Variants in TMEM52B observed in about 807,000 individuals in gnomAD.
TMEM52B encodes the protein chromosome 12 open reading frame 59.
Under a neutral mutation model 16.1 loss-of-function variants are expected in TMEM52B, and 11 were observed. The observed-to-expected ratio is 0.68, with a 90% CI of 0.43 to 1.13. TMEM52B has a LOEUF of 1.13. Among genes scored for constraint, TMEM52B ranks in the 50% most tolerant of loss-of-function variants. The pLI is 0.00. For synonymous variants in TMEM52B, 101 were observed against 93.8 expected (o/e 1.08, Z -0.45); for missense variants, 243 against 230.4 (o/e 1.05, Z -0.35).
At chr12:10,188,421 T>A (rs1005820501) in intron 4 of TMEM52B, among the ~76,000 whole-genome samples, 1 of 148,374 alleles carries the variant, frequency 6.7e-6, no homozygotes, top group South Asian at 2.1e-4. Context: ...ATGGCGCCAC[T>A]TCACTCCAGC....
rs1196687944 is a variant in TMEM52B at position 10,179,279 on chromosome 12, A to C, written c.-296A>C. The stretch of plus-strand genomic sequence containing the variant: ...GAGAAAGAAACTTCAAGATGTAGAA[A>C]GAATTAATAGTGTAACGGAAAGAAA... On this transcript the variant is annotated 5_prime_UTR_variant, in exon 1 of 5. Coordinates refer to ENST00000543484, the MANE Select transcript of TMEM52B (RefSeq NM_001384896.1). 5 of 362,242 alleles carry C rather than the reference A, an allele frequency of 1.4e-5. No individual in the cohort carries two copies. Among genetic ancestry groups the C allele is most frequent in the Admixed American group, 4.0e-5 (1 of 25,166 alleles). The allele number at this position is 362,242 out of a possible 1,614,324, so 22.4% of individuals were successfully genotyped here. A position where few individuals can be genotyped will look rare whatever the true frequency, so the allele number is the denominator to read the frequency against.
chr12:10,181,046 A>G (rs1948816649), intron 1 of TMEM52B, among the ~76,000 whole-genome samples: 1 of 151,980 alleles, frequency 6.6e-6, no homozygotes, highest in Admixed American at 6.6e-5. Context: ...ACCTCAAGTG[A>G]TCCACCCACC....
intron 4 of TMEM52B, among the ~76,000 whole-genome samples, chr12:10,187,738 T>C (rs980376503): frequency 3.3e-5 from 5 of 152,104 alleles, no homozygotes; most frequent in Admixed American, 6.6e-5. Flanking sequence ...GACTATGCTC[T>C]TTCCTAAAAT....
chr12:10,174,289 C>CT (rs772893806), upstream of TMEM52B, among the ~76,000 whole-genome samples: 8 of 152,170 alleles, frequency 5.3e-5, no homozygotes, highest in Admixed American at 1.3e-4. Flanking sequence ...TCTTGAACTC[C>CT]TGTCCTCAAG....
At chr12:10,179,702 A>G in intron 1 of TMEM52B, 74 bp downstream of exon 1, 1 of 1,572,248 alleles carries the variant, frequency 6.4e-7, no homozygotes, top group Non-Finnish European at 8.8e-7. Flanking sequence ...GTCTGAAAGG[A>G]AATGAACTGC....
intron 1 of TMEM52B, among the ~76,000 whole-genome samples, chr12:10,173,550 G>A (rs573229186): frequency 4.8e-5 from 7 of 146,796 alleles, no homozygotes; most frequent in South Asian, 2.1e-4. Context: ...GAAGCTGAGG[G>A]GGGGGGTGGA....
At chr12:10,180,667 C>T (rs560475642) in intron 1 of TMEM52B, among the ~76,000 whole-genome samples, 7 of 152,304 alleles carry the variant, frequency 4.6e-5, no homozygotes, top group East Asian at 1.9e-4. Context: ...CTTCACTACC[C>T]GCCATAAACT....
At chr12:10,186,169 A>C (rs923729060) in intron 3 of TMEM52B, among the ~76,000 whole-genome samples, 2 of 152,196 alleles carry the variant, frequency 1.3e-5, no homozygotes, top group Non-Finnish European at 1.5e-5. Flanking sequence ...AAGAAAAAAG[A>C]AGCAGCCCCC....
At chr12:10,186,681 TATTAAAGATTCCAGGACTC>T in intron 4 of TMEM52B, 92 bp downstream of exon 4, 1 of 1,271,826 alleles carries the variant, frequency 7.9e-7, no homozygotes, top group South Asian at 2.2e-5. Context: ...GATCGAGTAA[TATTAAAGATTCCAGGACTC>T]ACAATAATTT....
chr12:10,176,500 C>T (rs921065596), upstream of TMEM52B, among the ~76,000 whole-genome samples: 4 of 152,048 alleles, frequency 2.6e-5, no homozygotes, highest in African/African-American at 4.8e-5. Context: ...TGAAGGCTGG[C>T]GTGGTTGGGA....
upstream of TMEM52B, among the ~76,000 whole-genome samples, chr12:10,176,501 G>A (rs1002994504): frequency 6.6e-5 from 10 of 152,178 alleles, no homozygotes; most frequent in African/African-American, 2.4e-4. Context: ...GAAGGCTGGC[G>A]TGGTTGGGAG....
rs560444334 is a variant in TMEM52B, at chr12:10,188,367, G to A, written c.308-1529G>A. Among the ~76,000 whole-genome samples the A allele has an allele frequency of 4.0e-5, 6 of 151,798 alleles. No individual in the cohort carries two copies. The East Asian group carries it at 9.8e-4, about 25-fold the overall frequency. On this transcript the variant is annotated intron_variant, in intron 4 of 4. Transcript: ENST00000543484. The stretch of plus-strand genomic sequence containing the variant: ...CCAGCTACTCGGGAGGCTGAGGCAC[G>A]AGAATCATTTGAGCCCAGGAGGCGG...
rs754725623 is a variant in TMEM52B, at chr12:10,190,157, A to G, written c.*17A>G. ...TGGAACTGATGAGAGCTGTCATTTT[A>G]TAAATAGGAGTGGAGTGATGTCCAG... is the stretch of plus-strand genomic sequence containing the variant. On this transcript the variant is annotated 3_prime_UTR_variant, in exon 5 of 5. Coordinates refer to ENST00000543484, the MANE Select transcript of TMEM52B (RefSeq NM_001384896.1). 5 of 1,614,040 alleles carry G rather than the reference A, an allele frequency of 3.1e-6. No individual in the cohort carries two copies. The South Asian group carries it at 5.5e-5, about 18-fold the overall frequency.
intron 4 of TMEM52B, among the ~76,000 whole-genome samples, chr12:10,189,011 C>T (rs1332295080): frequency 3.6e-5 from 3 of 84,342 alleles, no homozygotes; most frequent in African/African-American, 5.1e-5. Flanking sequence ...AGCGAGACTC[C>T]GTCTCAAAAA....
At chr12:10,178,930 T>C (rs1948791720), upstream of TMEM52B, 1 of 152,454 alleles carries the variant, frequency 6.6e-6, no homozygotes, top group Admixed American at 6.5e-5. Context: ...TGCTTAGGGA[T>C]ATAAATGACC....
chr12:10,176,758 G>A (rs1948768702), upstream of TMEM52B, among the ~76,000 whole-genome samples: 1 of 152,046 alleles, frequency 6.6e-6, no homozygotes, highest in African/African-American at 2.4e-5. Flanking sequence ...ATCTGTATAA[G>A]GCTATCAAGT....
At chr12:10,177,099 C>T (rs914248694), upstream of TMEM52B, among the ~76,000 whole-genome samples, 5 of 152,110 alleles carry the variant, frequency 3.3e-5, no homozygotes, top group South Asian at 2.1e-4. Context: ...TGAATGGGAA[C>T]GTTAAGGACT....
chr12:10,178,061 A>G (rs1271086863), upstream of TMEM52B, among the ~76,000 whole-genome samples: 1 of 150,894 alleles, frequency 6.6e-6, no homozygotes, highest in African/African-American at 2.4e-5. Context: ...ACACACAGCT[A>G]ATTTTTGTAT....
intron 3 of TMEM52B, among the ~76,000 whole-genome samples, chr12:10,185,671 C>T (rs1948871023): frequency 6.6e-6 from 1 of 152,036 alleles, no homozygotes; most frequent in Non-Finnish European, 1.5e-5. Context: ...CTTTGGGAGG[C>T]TGAGGCAGGC....
Sources: allele counts gnomAD v4.1 joint callset (sites outside exome capture counted in the v4.1 genomes callset), GRCh38; gene constraint gnomAD v4.1.1; transcripts MANE v1.5; gene names NCBI Gene and HGNC (gene_info 2026-07-23, HGNC 2026-07-21).